Variants in CIMIP6 observed in about 807,000 individuals in gnomAD.
CIMIP6 encodes uncharacterized protein C2orf73.
the CIMIP6 span, among the ~76,000 whole-genome samples, chr2:54,334,195 C>G: frequency 6.6e-6 from 1 of 152,094 alleles, no homozygotes; most frequent in Non-Finnish European, 1.5e-5. Context: ...ATCTGATAAG[C>G]TGTTTCTTCC....
At chr2:54,353,860 A>G in the CIMIP6 span, among the ~76,000 whole-genome samples, 6 of 152,036 alleles carry the variant, frequency 3.9e-5, no homozygotes, top group Admixed American at 6.6e-5. Context: ...CAGTTCTCCT[A>G]TGTTTTTTAA....
At chr2:54,368,936 G>A in the CIMIP6 span, among the ~76,000 whole-genome samples, 2 of 152,078 alleles carry the variant, frequency 1.3e-5, no homozygotes, top group Non-Finnish European at 2.9e-5. Flanking sequence ...TTCTTTTACT[G>A]TAATAAACCA....
At chr2:54,340,911 G>A in the CIMIP6 span, among the ~76,000 whole-genome samples, 13 of 152,148 alleles carry the variant, frequency 8.5e-5, no homozygotes, top group African/African-American at 2.9e-4. Context: ...GCTGCAGTGA[G>A]TTGTAATCGT....
chr2:54,342,886 C>T, the CIMIP6 span, among the ~76,000 whole-genome samples: 1 of 152,166 alleles, frequency 6.6e-6, no homozygotes, highest in East Asian at 1.9e-4. Context: ...TTTCTTACTA[C>T]CACCTAATCA....
At chr2:54,379,649 C>T in the CIMIP6 span, among the ~76,000 whole-genome samples, 2 of 151,342 alleles carry the variant, frequency 1.3e-5, no homozygotes, top group Admixed American at 6.6e-5. Flanking sequence ...CCAGCCTGGG[C>T]AACATAGGGA....
the CIMIP6 span, among the ~76,000 whole-genome samples, chr2:54,344,881 C>A: frequency 6.6e-6 from 1 of 152,104 alleles, no homozygotes; most frequent in South Asian, 2.1e-4. Flanking sequence ...GGAAATCCAA[C>A]TTTTCTGGAG....
chr2:54,379,071 G>A, the CIMIP6 span, among the ~76,000 whole-genome samples: 3 of 152,280 alleles, frequency 2.0e-5, no homozygotes, highest in East Asian at 1.9e-4. Context: ...ACAAATGAAC[G>A]AAGCAATAAA....
the CIMIP6 span, among the ~76,000 whole-genome samples, chr2:54,354,235 A>G: frequency 6.6e-6 from 1 of 152,138 alleles, no homozygotes; most frequent in East Asian, 1.9e-4. Context: ...CAGTACCAAA[A>G]TATTTTAATT....
At chr2:54,367,779 G>A in the CIMIP6 span, among the ~76,000 whole-genome samples, 1 of 152,250 alleles carries the variant, frequency 6.6e-6, no homozygotes, top group Middle Eastern at 3.4e-3. Context: ...AGAGTCCGGT[G>A]CTATTCTATG....
At chr2:54,339,418 C>A in the CIMIP6 span, among the ~76,000 whole-genome samples, 5 of 74,938 alleles carry the variant, frequency 6.7e-5, 2 homozygotes, top group African/African-American at 2.2e-4. Context: ...GCTTTTCTCA[C>A]TATTTCCCAA....
chr2:54,359,018 T>C, the CIMIP6 span: 7 of 1,557,528 alleles, frequency 4.5e-6, no homozygotes, highest in Non-Finnish European at 5.2e-6. Flanking sequence ...AGAATACATC[T>C]CTTTTATACA....
At chr2:54,376,803 G>C in the CIMIP6 span, among the ~76,000 whole-genome samples, 1 of 152,212 alleles carries the variant, frequency 6.6e-6, no homozygotes, top group East Asian at 1.9e-4. Flanking sequence ...CTGAGGCCCA[G>C]GAAGCTGAAG....
chr2:54,371,652 T>C, the CIMIP6 span, among the ~76,000 whole-genome samples: 6 of 152,214 alleles, frequency 3.9e-5, no homozygotes, highest in Admixed American at 1.3e-4. Context: ...ATTTCAGACA[T>C]GCCAGTGGTG....
chr2:54,337,227 T>A, the CIMIP6 span, among the ~76,000 whole-genome samples: 23 of 152,358 alleles, frequency 1.5e-4, no homozygotes, highest in South Asian at 3.9e-3. Context: ...TTCGTACTGA[T>A]GACATCTGTT....
the CIMIP6 span, among the ~76,000 whole-genome samples, chr2:54,378,768 T>A: frequency 6.6e-6 from 1 of 152,230 alleles, no homozygotes; most frequent in African/African-American, 2.4e-5. Context: ...AACTCCCTTT[T>A]CAAGTCCCAG....
the CIMIP6 span, among the ~76,000 whole-genome samples, chr2:54,349,543 T>C: frequency 6.6e-6 from 1 of 152,238 alleles, no homozygotes; most frequent in Admixed American, 6.5e-5. Flanking sequence ...ATTTCAAACA[T>C]TCTTCATGGA....
At chr2:54,369,050 G>A in the CIMIP6 span, among the ~76,000 whole-genome samples, 1 of 152,056 alleles carries the variant, frequency 6.6e-6, no homozygotes, top group Non-Finnish European at 1.5e-5. Flanking sequence ...GCTTGAATTG[G>A]TACTGCATGC....
chr2:54,332,643 T>C, the CIMIP6 span, among the ~76,000 whole-genome samples: 2 of 152,238 alleles, frequency 1.3e-5, no homozygotes, highest in Admixed American at 1.3e-4. Flanking sequence ...ATTTCACACT[T>C]ATTTATCAAC....
chr2:54,376,244 A>G, the CIMIP6 span, among the ~76,000 whole-genome samples: 31 of 151,314 alleles, frequency 2.0e-4, no homozygotes, highest in Middle Eastern at 3.4e-3. Context: ...GGCTCTCACC[A>G]TGTTGCCCGA....
Sources: allele counts gnomAD v4.1 joint callset (sites outside exome capture counted in the v4.1 genomes callset), GRCh38; gene constraint gnomAD v4.1.1; transcripts MANE v1.5; gene names NCBI Gene and HGNC (gene_info 2026-07-23, HGNC 2026-07-21).